DENND2A: variants seen among roughly 807,000 people sequenced by gnomAD.
DENND2A encodes DENN domain-containing protein 2A.
A neutral mutation model predicts 105.3 loss-of-function variants in DENND2A; 53 were observed. The ratio of observed to expected loss-of-function variants is 0.50; its 90% CI spans 0.40 to 0.63. The LOEUF (loss-of-function observed/expected upper bound fraction) is 0.63, where lower values mean the gene tolerates loss of function less well. DENND2A is among the 30% of genes least tolerant of loss of function. DENND2A has a pLI of 0.00. For synonymous variants in DENND2A, 522 were observed against 508.4 expected (o/e 1.03, Z -0.36); for missense variants, 1,138 against 1,279.6 (o/e 0.89, Z 1.69).
chr7:140,597,052 G>C (rs1263512735), intron 3 of DENND2A, among the ~76,000 whole-genome samples: 1 of 151,312 alleles, frequency 6.6e-6, no homozygotes, highest in Non-Finnish European at 1.5e-5. Context: ...AATGAAGAAA[G>C]AAAAGAGAAG....
intron 3 of DENND2A, among the ~76,000 whole-genome samples, chr7:140,596,674 T>A (rs1034446524): frequency 2.0e-4 from 31 of 152,192 alleles, no homozygotes; most frequent in African/African-American, 7.0e-4. Flanking sequence ...GCCAAAATAA[T>A]CAGCTGAAAA....
intron 5 of DENND2A, among the ~76,000 whole-genome samples, chr7:140,578,843 T>C (rs868213952): frequency 2.6e-5 from 4 of 152,126 alleles, no homozygotes; most frequent in East Asian, 1.9e-4. Context: ...CACTGCACTC[T>C]AGCCTGGGCG....
At chr7:140,564,275 T>C (rs1675850951) in intron 9 of DENND2A, among the ~76,000 whole-genome samples, 1 of 111,418 alleles carries the variant, frequency 9.0e-6, no homozygotes, top group South Asian at 2.7e-4. Flanking sequence ...AGAGTGAGAC[T>C]GTGTCAAAAA....
chr7:140,633,401 C>T (rs269255), intron 1 of DENND2A, among the ~76,000 whole-genome samples: 12,688 of 152,120 alleles, frequency 0.083, 1,716 homozygotes, highest in African/African-American at 0.28. Flanking sequence ...GTGATCTACC[C>T]GCCTTGGCCG....
intron 8 of DENND2A, among the ~76,000 whole-genome samples, chr7:140,567,984 A>G (rs528400468): frequency 1.3e-5 from 2 of 152,272 alleles, no homozygotes; most frequent in Admixed American, 1.3e-4. Flanking sequence ...TCTGTTGCCC[A>G]GGCTGGAGTG....
chr7:140,599,798 G>GA (rs951519510), intron 3 of DENND2A, among the ~76,000 whole-genome samples: 2 of 151,656 alleles, frequency 1.3e-5, no homozygotes, highest in African/African-American at 2.4e-5. Flanking sequence ...AGAAAGTGGG[G>GA]AAAAAAAAGA....
Position 140,559,611 on chromosome 7 carries a change from A to C in DENND2A, c.1889+97T>G. On this transcript the variant is annotated intron_variant, in intron 10 of 19. Coordinates refer to ENST00000496613, the MANE Select transcript of DENND2A (RefSeq NM_015689.5). The surrounding 1 kb of genome is among the most constrained non-coding windows in gnomAD (Gnocchi z 4.1). ...TAGGCCAGGCCCATCAGGATTACTT[A>C]ACGGTGGGAATGACTCATGTGGTCT... 1.2e-6 allele frequency: 1 copy of C among 858,286 alleles called. No individual in the cohort carries two copies. Among genetic ancestry groups the C allele is most frequent in the South Asian group, 1.5e-5 (1 of 65,724 alleles). 53.2% of individuals were successfully genotyped at this position (858,286 alleles called of 1,614,324 possible).
intron 11 of DENND2A, 75 bp from the exon 12 acceptor site, chr7:140,555,788 C>A (rs1447887510): frequency 3.1e-6 from 4 of 1,307,344 alleles, no homozygotes; most frequent in Non-Finnish European, 4.2e-6. Context: ...ATGTTTTTTG[C>A]GAGACTATCA....
At chr7:140,558,250 A>G (rs969703091) in intron 10 of DENND2A, 38 bp from the exon 11 acceptor site, 1 of 1,555,072 alleles carries the variant, frequency 6.4e-7, no homozygotes, top group Non-Finnish European at 8.9e-7. Flanking sequence ...ATAAAGCAAA[A>G]CAAAACCAAA....
At position 140,525,165 on chromosome 7, in the gene DENND2A, T is replaced by TTC. The variant is rs1170974613; in HGVS notation, c.2547+585_2547+586insGA. Reference sequence around the variant, plus strand: ...AGTGAGACCCTGTCTTTTTTTTTTTTTTTTTTGGAGATGGGATCTCACTCT... The same window carrying TTC: ...AGTGAGACCCTGTCTTTTTTTTTTTTTCTTTTTTGGAGATGGGATCTCACTCT... On this transcript the variant is annotated intron_variant, in intron 16 of 19. Coordinates refer to ENST00000496613, the MANE Select transcript of DENND2A (RefSeq NM_015689.5). 1.1e-4 allele frequency among the ~76,000 whole-genome samples: 16 copies of TTC among 148,766 alleles called. No homozygotes were observed. In the South Asian group the frequency reaches 3.2e-3, roughly 30 times the overall value.
chr7:140,554,392 C>A (rs937329406), intron 12 of DENND2A, among the ~76,000 whole-genome samples: 1 of 152,110 alleles, frequency 6.6e-6, no homozygotes, highest in African/African-American at 2.4e-5. Flanking sequence ...ATAATCCCAG[C>A]ACTTTGGGAG....
At chr7:140,591,976 C>T (rs1585710110) in intron 3 of DENND2A, among the ~76,000 whole-genome samples, 1 of 46,972 alleles carries the variant, frequency 2.1e-5, no homozygotes, top group Non-Finnish European at 4.1e-5. Flanking sequence ...TCCCCCTCCC[C>T]TCTCCCTCCT....
At chr7:140,535,061 T>C (rs1796411143) in intron 14 of DENND2A, among the ~76,000 whole-genome samples, 1 of 152,184 alleles carries the variant, frequency 6.6e-6, no homozygotes, top group African/African-American at 2.4e-5. Context: ...CTACCAAGCC[T>C]CTGCTCCATA....
At chr7:140,566,537 G>A (rs1797841732) in intron 9 of DENND2A, among the ~76,000 whole-genome samples, 1 of 152,106 alleles carries the variant, frequency 6.6e-6, no homozygotes, top group African/African-American at 2.4e-5. Context: ...TGCTTAGGGA[G>A]ACTTGGGGCT....
chr7:140,569,793 G>A, intron 6 of DENND2A, 55 bp from the exon 7 acceptor site: 1 of 1,299,160 alleles, frequency 7.7e-7, no homozygotes, highest in Non-Finnish European at 1.1e-6. Context: ...CTCTGTGGCA[G>A]CTGGGCTTCC....
At chr7:140,624,022 A>G (rs269232) in intron 1 of DENND2A, among the ~76,000 whole-genome samples, 58,716 of 152,182 alleles carry the variant, frequency 0.39, 12,933 homozygotes, top group African/African-American at 0.61. Context: ...CGGCAGGGCC[A>G]TATGTGAGTG....
chr7:140,623,443 T>C (rs898248263), intron 1 of DENND2A, among the ~76,000 whole-genome samples: 4 of 150,600 alleles, frequency 2.7e-5, no homozygotes, highest in African/African-American at 9.8e-5. Context: ...AAAGAGCGTA[T>C]GGAGGGCTGG....
chr7:140,573,728 C>T (rs1034566406), intron 6 of DENND2A, 80 bp downstream of exon 6: 49 of 1,481,930 alleles, frequency 3.3e-5, no homozygotes, highest in Non-Finnish European at 4.3e-5. Context: ...GATGTATTCT[C>T]CACCCAGACC....
intron 13 of DENND2A, 151 bp downstream of exon 13, chr7:140,546,648 C>T (rs1796920357): frequency 3.0e-6 from 3 of 1,004,098 alleles, no homozygotes; most frequent in Admixed American, 5.5e-5. Context: ...GAGGGTGGAA[C>T]TCATGATGAG....
Sources: gnomAD v4.1 joint callset for allele counts (sites outside exome capture counted in the v4.1 genomes callset) on GRCh38, gnomAD v4.1.1 for gene constraint, Gnocchi (gnomAD v3.1) non-coding constraint, MANE v1.5 for transcripts, NCBI Gene and HGNC (gene_info 2026-07-23, HGNC 2026-07-21) for gene names.